SPATA16: variants seen among roughly 807,000 people sequenced by gnomAD.
SPATA16 encodes the protein spermatogenesis associated 16.
SPATA16 carries 36 observed loss-of-function variants against 63.3 expected under a neutral mutation model. The ratio of observed to expected loss-of-function variants is 0.57; its 90% confidence interval spans 0.44 to 0.75. The LOEUF (loss-of-function observed/expected upper bound fraction) is 0.75, where lower values mean the gene tolerates loss of function less well. SPATA16 is among the 30% of genes least tolerant of loss of function. The pLI, the probability that SPATA16 is intolerant of heterozygous loss-of-function variation, is 0.00. For missense variants in SPATA16, 646 were observed against 679.3 expected, an observed-to-expected ratio of 0.95 and a Z score of 0.54; for synonymous variants, 203 against 216.7, an observed-to-expected ratio of 0.94 and a Z score of 0.56.
chr3:172,999,588 A>G (rs1431727961), intron 4 of SPATA16, among the ~76,000 whole-genome samples: 1 of 151,894 alleles, frequency 6.6e-6, no homozygotes, highest in Non-Finnish European at 1.5e-5. Context: ...TAATTTTTGT[A>G]TTTTTAGTAG....
In SPATA16 at chr3:173,014,149, A is replaced by G. The variant is rs542043413; in HGVS notation, c.848+5337T>C. On this transcript the variant is annotated intron_variant, in intron 4 of 10. Transcript: ENST00000351008. ...CATACACTTGTATGTTCATTATAGC[A>G]CTATCCACAATAGTAAAGACATGGA... 1.3e-3 allele frequency among the ~76,000 whole-genome samples: 201 copies of G among 152,316 alleles called. 1 individual carries two copies. The highest frequency in any genetic ancestry group is 2.2e-3 in the Non-Finnish European group (151 of 68,032).
At chr3:172,902,491 T>G (rs1732145920) in intron 10 of SPATA16, among the ~76,000 whole-genome samples, 1 of 152,270 alleles carries the variant, frequency 6.6e-6, no homozygotes, top group African/African-American at 2.4e-5. Flanking sequence ...ATTTCTTGAA[T>G]CAGTTTGACC....
At chr3:173,046,561 C>T (rs1462406113) in intron 3 of SPATA16, among the ~76,000 whole-genome samples, 1 of 151,858 alleles carries the variant, frequency 6.6e-6, no homozygotes, top group Non-Finnish European at 1.5e-5. Context: ...CATAAAATTA[C>T]AGAGAAGATG....
At chr3:173,107,706 T>TA (rs1216496258) in intron 2 of SPATA16, among the ~76,000 whole-genome samples, 2 of 152,168 alleles carry the variant, frequency 1.3e-5, no homozygotes, top group African/African-American at 4.8e-5. Flanking sequence ...GGATCTCATC[T>TA]ACTCACTATT....
chr3:172,916,315 AC>A lies in SPATA16; in HGVS notation c.1503+1del, dbSNP rs1452681076. 1.2e-6 allele frequency: 2 copies of A among 1,612,918 alleles called. No individual in the cohort carries two copies. Among genetic ancestry groups the A allele is most frequent in the Middle Eastern group, 1.7e-4 (1 of 6,054 alleles). On this transcript the variant is annotated splice_donor_variant, in intron 9 of 10. Transcript: ENST00000351008. LOFTEE classifies it high-confidence loss of function. ...AACCCTTAAACAAAGAAAAATACTT[AC>A]CAATTCTGCCTCCTGTTGACTGATG...
chr3:172,946,805 T>G (rs569538373), intron 6 of SPATA16, among the ~76,000 whole-genome samples: 27 of 152,256 alleles, frequency 1.8e-4, no homozygotes, highest in Admixed American at 4.6e-4. Flanking sequence ...CTGGCTGGAT[T>G]CACCACCTGC....
chr3:173,064,586 T>C (rs1246587014), intron 2 of SPATA16, among the ~76,000 whole-genome samples: 2 of 152,174 alleles, frequency 1.3e-5, no homozygotes, highest in Non-Finnish European at 2.9e-5. Flanking sequence ...CAATCTTAGC[T>C]GTGTTCAGCC....
chr3:172,972,008 G>A (rs918647977), intron 5 of SPATA16, among the ~76,000 whole-genome samples: 1 of 152,144 alleles, frequency 6.6e-6, no homozygotes, highest in African/African-American at 2.4e-5. Flanking sequence ...ATGTGGCTGT[G>A]GAAAATCTTT....
At chr3:173,030,734 C>T (rs1351178795) in intron 3 of SPATA16, among the ~76,000 whole-genome samples, 1 of 151,954 alleles carries the variant, frequency 6.6e-6, no homozygotes, top group Admixed American at 6.6e-5. Context: ...TGTGTATATA[C>T]CTAAAATAAT....
At chr3:172,961,065 TCTTTCTTCCTTCCTTCCTTC>T (rs1733764161) in intron 5 of SPATA16, among the ~76,000 whole-genome samples, 3 of 40,162 alleles carry the variant, frequency 7.5e-5, no homozygotes, top group East Asian at 1.1e-3. Context: ...CTTTCTTTCT[TCTTTCTTCCTTCCTTCCTTC>T]CTTCCTTCCT....
chr3:173,051,880 C>T lies in SPATA16; in HGVS notation c.613-2786G>A, dbSNP rs977824884. Among the ~76,000 whole-genome samples the T allele has an allele frequency of 2.6e-5, 4 of 151,822 alleles. No individual in the cohort carries two copies. The South Asian group carries it at 6.3e-4, about 24-fold the overall frequency. On this transcript the variant is annotated intron_variant, in intron 2 of 10. Coordinates refer to ENST00000351008, the MANE Select transcript of SPATA16 (RefSeq NM_031955.6). ...AGGCTGGAGTGTAATGGCAGCATCTCGACTCACTGCAGCCTCCACCTCCCA... is the reference window on the plus strand; with the variant it reads ...AGGCTGGAGTGTAATGGCAGCATCTTGACTCACTGCAGCCTCCACCTCCCA...
chr3:173,003,584 G>A (rs1235271210), intron 4 of SPATA16, among the ~76,000 whole-genome samples: 1 of 152,138 alleles, frequency 6.6e-6, no homozygotes, highest in Non-Finnish European at 1.5e-5. Context: ...GAGAAACAAA[G>A]ATAATACACA....
chr3:173,014,973 A>G (rs1269722279), intron 4 of SPATA16, among the ~76,000 whole-genome samples: 1 of 152,132 alleles, frequency 6.6e-6, no homozygotes, highest in East Asian at 1.9e-4. Flanking sequence ...CCTGGGCTTT[A>G]TAAGCATTTG....
chr3:173,011,948 G>A (rs1560096029), intron 4 of SPATA16, among the ~76,000 whole-genome samples: 2 of 152,078 alleles, frequency 1.3e-5, no homozygotes, highest in African/African-American at 2.4e-5. Flanking sequence ...TGAGTAGCTA[G>A]TACTACATGT....
intron 10 of SPATA16, among the ~76,000 whole-genome samples, chr3:172,905,696 A>T (rs60286636): frequency 0.097 from 14,812 of 152,194 alleles, 824 homozygotes; most frequent in African/African-American, 0.15. Flanking sequence ...TCATAAGTTA[A>T]GATTTTGAGG....
chr3:172,961,410 T>C (rs557311517), intron 5 of SPATA16, among the ~76,000 whole-genome samples: 9 of 152,186 alleles, frequency 5.9e-5, no homozygotes, highest in Non-Finnish European at 1.0e-4. Context: ...AGGCTTTTCT[T>C]TTGAGATGGA....
At chr3:173,107,226 T>G (rs568891507) in intron 2 of SPATA16, among the ~76,000 whole-genome samples, 1 of 152,194 alleles carries the variant, frequency 6.6e-6, no homozygotes, top group African/African-American at 2.4e-5. Context: ...GTGGTTGATT[T>G]CTTGGTGTAA....
intron 2 of SPATA16, among the ~76,000 whole-genome samples, chr3:173,069,689 ATAC>A (rs1736618620): frequency 6.6e-6 from 1 of 152,222 alleles, no homozygotes; most frequent in African/African-American, 2.4e-5. Context: ...CCAAAAAAGA[ATAC>A]TACAGGCCAA....
intron 1 of SPATA16, among the ~76,000 whole-genome samples, chr3:173,134,459 G>C (rs114762827): frequency 6.6e-6 from 1 of 151,716 alleles, no homozygotes; most frequent in East Asian, 1.9e-4. Context: ...ACTGCACTCC[G>C]GCCTGGGTGA....
Sources: allele counts gnomAD v4.1 joint callset (sites outside exome capture counted in the v4.1 genomes callset), GRCh38; gene constraint gnomAD v4.1.1; transcripts MANE v1.5; gene names NCBI Gene and HGNC (gene_info 2026-07-23, HGNC 2026-07-21).